L1TD1: variants seen among roughly 807,000 people sequenced by gnomAD.
L1TD1 encodes the protein LINE1 type transposase domain containing 1.
A neutral mutation model predicts 25.7 loss-of-function variants in L1TD1; 26 were observed. The ratio of observed to expected loss-of-function variants is 1.01; its 90% CI spans 0.74 to 1.40. L1TD1 has a LOEUF of 1.40. Among genes scored for constraint, L1TD1 ranks in the 40% most tolerant of loss-of-function variants. The pLI is 0.00. For missense variants in L1TD1, 1,130 were observed against 975.0 expected (o/e 1.16, Z -2.12); for synonymous variants, 421 against 335.6 (o/e 1.25, Z -2.78).
intron 2 of L1TD1, among the ~76,000 whole-genome samples, chr1:62,197,029 C>G (rs1012406553): frequency 3.3e-5 from 5 of 152,196 alleles, no homozygotes; most frequent in African/African-American, 1.2e-4. Flanking sequence ...TTCGTCATCG[C>G]TAGAAACCAC....
At position 62,205,366 on chromosome 1, in the gene L1TD1, A is replaced by ACTCC. The variant is rs1557443295; in HGVS notation, c.-110-1150_-110-1149insCCTC. Among the ~76,000 whole-genome samples, 59 of 105,888 alleles carry ACTCC rather than the reference A, an allele frequency of 5.6e-4. 1 individual carries two copies. The highest frequency in any genetic ancestry group is 1.8e-3 in the African/African-American group (50 of 28,156). The allele number at this position is 105,888 out of a possible 152,430, so 69.5% of individuals were successfully genotyped here. A position where few individuals can be genotyped will look rare whatever the true frequency, so the allele number is the denominator to read the frequency against. On this transcript the variant is annotated intron_variant, in intron 2 of 3. Coordinates refer to ENST00000498273, the MANE Select transcript of L1TD1 (RefSeq NM_019079.5). ...AAAAAACAAAATAAAACCAACGAAA[A>ACTCC]CTCTCTTTCTCTCTCTCTCTCTTTC...
rs187516259 is a variant in L1TD1 at position 62,197,585 on chromosome 1, C to T, written c.-111+1057C>T. ...CTGGCCTCAAGTGCTCCTGCTGCCC[C>T]GAAAGGTGCTGGGATTACAGGCTTG... On this transcript the variant is annotated intron_variant, in intron 2 of 3. Transcript: ENST00000498273. 4.1e-3 allele frequency among the ~76,000 whole-genome samples: 630 copies of T among 151,874 alleles called. 5 individuals carry two copies. Among genetic ancestry groups the T allele is most frequent in the African/African-American group, 0.014 (597 of 41,416 alleles).
intron 2 of L1TD1, 88 bp from the exon 3 acceptor site, chr1:62,206,431 G>A (rs1670746312): frequency 5.0e-6 from 2 of 396,704 alleles, no homozygotes; most frequent in Non-Finnish European, 8.5e-6. Context: ...AGTGCACCCA[G>A]CATAGTTTTC....
intron 2 of L1TD1, among the ~76,000 whole-genome samples, chr1:62,205,366 A>ACTCCCTCTCTCTCTCT (rs1557443295): frequency 9.4e-6 from 1 of 105,918 alleles, no homozygotes; most frequent in Non-Finnish European, 1.9e-5. Context: ...ACCAACGAAA[A>ACTCCCTCTCTCTCTCT]CTCTCTTTCT....
chr1:62,210,740 A>G lies in L1TD1; in HGVS notation c.1966A>G (p.Met656Val). 1 of 1,551,654 alleles carries G rather than the reference A, an allele frequency of 6.4e-7. No homozygotes were observed. Among genetic ancestry groups the G allele is most frequent in the Non-Finnish European group, 8.7e-7 (1 of 1,146,966 alleles). ...TTCAGTAGATGATCTGAGTAGCAGA[A>G]TGGACATACTTGAAGAAAGAATAGA... ...ENSVDDLSSR[M>V]DILEERIDSL... Residue 656 changes from methionine (M) to valine (V), a missense_variant, in exon 4 of 4, where the codon ATG (methionine) becomes GTG (valine). Met to Val is a conservative substitution (Grantham distance 21). Transcript: ENST00000498273.
At chr1:62,209,289 C>CTTTTTTTTTTTTT (rs376933477) in intron 3 of L1TD1, among the ~76,000 whole-genome samples, 1 of 131,810 alleles carries the variant, frequency 7.6e-6, no homozygotes. Context: ...CAATTGGGGT[C>CTTTTTTTTTTTTT]TTTTTTTTTT....
chr1:62,210,515 A>G lies in L1TD1; in HGVS notation c.1741A>G (p.Thr581Ala), dbSNP rs746559652. 3.1e-6 allele frequency: 5 copies of G among 1,613,684 alleles called. No individual in the cohort carries two copies. The highest frequency in any genetic ancestry group is 4.2e-6 in the Non-Finnish European group (5 of 1,179,978). ...KHSHTNLSIS[T>A]GVTKLKKTEE... ...TTCACATACAAATTTGAGTATTTCA[A>G]CAGGAGTCACCAAACTTAAGAAAAC... is the stretch of plus-strand genomic sequence containing the variant. The change falls in exon 4 of 4, where the codon ACA becomes GCA. Residue 581 changes from threonine (T) to alanine (A), a missense_variant. By Grantham distance (58) the Thr-to-Ala change is moderately conservative. Coordinates refer to ENST00000498273, the MANE Select transcript of L1TD1 (RefSeq NM_019079.5).
In L1TD1 at chr1:62,207,592, GAAAT is replaced by G; in HGVS notation, c.969_972del (p.Asn324LysfsTer16). On this transcript the variant is annotated frameshift_variant, in exon 3 of 4. Coordinates refer to ENST00000498273, the MANE Select transcript of L1TD1 (RefSeq NM_019079.5). LOFTEE classifies it low-confidence loss of function (END_TRUNC). ...GAAAGATGTACTCCCACAAAAGGAA[GAAAT>G]AAATCAAGGAGGAAGAAAATATGGA... 7 of 1,542,230 alleles carry G rather than the reference GAAAT, an allele frequency of 4.5e-6. No individual in the cohort carries two copies. The highest frequency in any genetic ancestry group is 6.1e-6 in the Non-Finnish European group (7 of 1,144,130).
intron 2 of L1TD1, among the ~76,000 whole-genome samples, chr1:62,205,417 C>CTCTCTA (rs1200654405): frequency 4.6e-5 from 1 of 21,804 alleles, no homozygotes; most frequent in Non-Finnish European, 7.5e-5. Flanking sequence ...CTCTCTCTCT[C>CTCTCTA]TATATATATA....
intron 3 of L1TD1, among the ~76,000 whole-genome samples, chr1:62,209,499 C>T (rs886527822): frequency 1.3e-5 from 2 of 152,016 alleles, no homozygotes; most frequent in East Asian, 3.9e-4. Context: ...ACATACACAG[C>T]AGTAAGTGTT....
chr1:62,210,424 T>A lies in L1TD1; in HGVS notation c.1650T>A (p.Cys550Ter). 1 of 1,614,116 alleles carries A rather than the reference T, an allele frequency of 6.2e-7. No individual in the cohort carries two copies. The highest frequency in any genetic ancestry group is 8.5e-7 in the Non-Finnish European group (1 of 1,180,022). Residue 550 changes from cysteine (C) to a stop codon, truncating the protein, a stop_gained, in exon 4 of 4, where the codon TGT becomes TGA. Coordinates refer to ENST00000498273, the MANE Select transcript of L1TD1 (RefSeq NM_019079.5). LOFTEE classifies it low-confidence loss of function (END_TRUNC). ...VPTSQGTGTP[C>*]LTLCLASPSK... The stretch of plus-strand genomic sequence containing the variant: ...CAAGTCAAGGAACTGGCACACCCTG[T>A]CTGACCTTATGTTTGGCCTCTCCCT...
Position 62,209,860 on chromosome 1 carries a change from A to G in L1TD1, c.1086A>G (p.Glu362=), listed in dbSNP as rs1253295505. 1 of 1,614,124 alleles carries G rather than the reference A, an allele frequency of 6.2e-7. No homozygotes were observed. The highest frequency in any genetic ancestry group is 1.7e-5 in the Admixed American group (1 of 60,000). The change falls in exon 4 of 4, where the codon GAA becomes GAG. Residue 362 remains glutamate, a synonymous_variant. Coordinates refer to ENST00000498273, the MANE Select transcript of L1TD1 (RefSeq NM_019079.5). ...GCTTGAGCTTCCTATTTCTTAAAGA[A>G]GTAAAAGTTGCTAAGCCAGAGGAGA... ...SDGLSFLFLK[E]VKVAKPEEMK... is the part of the protein sequence containing the mutation.
In L1TD1 at chr1:62,207,427, C is replaced by T. The variant is rs190177858; in HGVS notation, c.799C>T (p.Leu267=). 1.6e-5 allele frequency: 25 copies of T among 1,550,830 alleles called. No individual in the cohort carries two copies. Among genetic ancestry groups the T allele is most frequent in the Middle Eastern group, 3.3e-4 (2 of 5,988 alleles). ...SKQWSNVFNI[L]RENDFEPKFL... is the part of the protein sequence containing the mutation. ...GCAATGGAGTAATGTCTTCAACATTCTGAGAGAAAATGATTTTGAACCTAA... is the reference window on the plus strand; with the variant it reads ...GCAATGGAGTAATGTCTTCAACATTTTGAGAGAAAATGATTTTGAACCTAA... Residue 267 remains leucine (L), a synonymous_variant, in exon 3 of 4, where the codon CTG becomes TTG. Coordinates refer to ENST00000498273, the MANE Select transcript of L1TD1 (RefSeq NM_019079.5).
In L1TD1 at chr1:62,206,795, A is replaced by C. The variant is rs894187405; in HGVS notation, c.167A>C (p.Lys56Thr). The C allele has an allele frequency of 6.3e-7, 1 of 1,581,734 alleles. No individual in the cohort carries two copies. The highest frequency in any genetic ancestry group is 2.3e-5 in the East Asian group (1 of 44,152). The change falls in exon 3 of 4, where the codon AAG (lysine) becomes ACG (threonine). Residue 56 changes from lysine to threonine, a missense_variant. By Grantham distance (78) the Lys-to-Thr change is moderately conservative. Coordinates refer to ENST00000498273, the MANE Select transcript of L1TD1 (RefSeq NM_019079.5). ...GTATCAGCAATTATGAATAAGTTTAAGGTCTTAATGGAAATTCAAGACCTG... is the reference window on the plus strand; with the variant it reads ...GTATCAGCAATTATGAATAAGTTTACGGTCTTAATGGAAATTCAAGACCTG... ...KDVSAIMNKF[K>T]VLMEIQDLMF...
chr1:62,210,174 C>G lies in L1TD1; in HGVS notation c.1400C>G (p.Thr467Ser). Residue 467 changes from threonine (T) to serine (S), a missense_variant, in exon 4 of 4, where the codon ACT (threonine) becomes AGT (serine). Physicochemically the swap from Thr to Ser is moderately conservative, Grantham distance 58. Transcript: ENST00000498273. Reference sequence around the variant, plus strand: ...GAGATAACCAGTGATGGCATGGAAACTACTTTCATTGACTCTGTAGAGGAT... The same window carrying G: ...GAGATAACCAGTGATGGCATGGAAAGTACTTTCATTGACTCTGTAGAGGAT... ...EVEITSDGMETTFIDSVEDSE... is the reference protein window; with the variant it reads ...EVEITSDGMESTFIDSVEDSE... 6.2e-7 allele frequency: 1 copy of G among 1,613,996 alleles called. No homozygotes were observed. Among genetic ancestry groups the G allele is most frequent in the Non-Finnish European group, 8.5e-7 (1 of 1,180,006 alleles).
chr1:62,198,299 C>T (rs1235952936), intron 2 of L1TD1, among the ~76,000 whole-genome samples: 4 of 151,854 alleles, frequency 2.6e-5, no homozygotes, highest in African/African-American at 7.3e-5. Context: ...CCACTGCTTG[C>T]CACGCTGGGC....
intron 3 of L1TD1, among the ~76,000 whole-genome samples, chr1:62,207,869 C>T (rs948076502): frequency 1.2e-4 from 18 of 152,112 alleles, no homozygotes; most frequent in Admixed American, 8.5e-4. Context: ...TGCACCACCA[C>T]GCCCAGATAA....
In L1TD1 at chr1:62,210,772, A is replaced by G; in HGVS notation, c.1998A>G (p.Leu666=). 1 of 1,550,658 alleles carries G rather than the reference A, an allele frequency of 6.4e-7. No homozygotes were observed. The highest frequency in any genetic ancestry group is 8.7e-7 in the Non-Finnish European group (1 of 1,146,758). Residue 666 remains leucine, a synonymous_variant, in exon 4 of 4, where the codon CTA becomes CTG. Coordinates refer to ENST00000498273, the MANE Select transcript of L1TD1 (RefSeq NM_019079.5). ...TACTTGAAGAAAGAATAGACAGTCT[A>G]GAAGATCAAATTGAAGAATTCTCTA... ...MDILEERIDS[L]EDQIEEFSKD...
In L1TD1 at chr1:62,210,914, G is replaced by A; in HGVS notation, c.2140G>A (p.Glu714Lys). The A allele has an allele frequency of 6.4e-7, 1 of 1,551,408 alleles. No homozygotes were observed. Among genetic ancestry groups the A allele is most frequent in the South Asian group, 1.2e-5 (1 of 83,990 alleles). ...AGGAATTCCAGAAAAGGAGAGTTAT[G>A]AGAATAGGGCAGAGGACATAATTAA... ...LIGIPEKESY[E>K]NRAEDIIKEI... Residue 714 changes from glutamate to lysine, a missense_variant, in exon 4 of 4, where the codon GAG (glutamate) becomes AAG (lysine). Coordinates refer to ENST00000498273, the MANE Select transcript of L1TD1 (RefSeq NM_019079.5).
Sources: allele counts gnomAD v4.1 joint callset (sites outside exome capture counted in the v4.1 genomes callset), GRCh38; gene constraint gnomAD v4.1.1; transcripts MANE v1.5; gene names NCBI Gene and HGNC (gene_info 2026-07-23, HGNC 2026-07-21).